MAST3: variants seen among roughly 807,000 people sequenced by gnomAD.
MAST3 encodes microtubule-associated serine/threonine-protein kinase 3.
Under a neutral mutation model 127.0 loss-of-function variants are expected in MAST3, and 43 were observed. That is an observed-to-expected ratio of 0.34 (90% CI 0.27 to 0.44). MAST3 has a LOEUF of 0.44. Among genes scored for constraint, MAST3 ranks in the 20% least tolerant of loss-of-function variants. The pLI is 1.00. For synonymous variants in MAST3, 785 were observed against 809.2 expected, an observed-to-expected ratio of 0.97 and a Z score of 0.51; for missense variants, 1,390 against 1,919.1, an observed-to-expected ratio of 0.72 and a Z score of 5.15.
chr19:18,110,496 G>A lies in MAST3; in HGVS notation c.72-156G>A. 2 of 913,280 alleles carry A rather than the reference G, an allele frequency of 2.2e-6. No homozygotes were observed. The highest frequency in any genetic ancestry group is 2.6e-6 in the Non-Finnish European group (2 of 763,736). 56.6% of individuals were successfully genotyped at this position (913,280 alleles called of 1,614,324 possible). ...CTCCGGGGAGCCCTCCCGGGCCATC[G>A]GTCTGGCCCCGCCCTCACGTCCTGA... On this transcript the variant is annotated intron_variant, in intron 2 of 27. Coordinates refer to ENST00000687212, the MANE Select transcript of MAST3 (RefSeq NM_001393504.1). The surrounding 1 kb of genome is among the most constrained non-coding windows in gnomAD (Gnocchi z 4.3).
At chr19:18,115,337 G>A (rs1279654473) in intron 3 of MAST3, among the ~76,000 whole-genome samples, 1 of 152,106 alleles carries the variant, frequency 6.6e-6, no homozygotes, top group African/African-American at 2.4e-5. Context: ...TGTCAGGGCA[G>A]TGGGTGTATG....
rs2042825503 is a variant in MAST3 at position 18,144,438 on chromosome 19, C to A, written c.2585-28C>A. 2 of 1,532,836 alleles carry A rather than the reference C, an allele frequency of 1.3e-6. No individual in the cohort carries two copies. Among genetic ancestry groups the A allele is most frequent in the South Asian group, 2.4e-5 (2 of 84,112 alleles). The allele number at this position is 1,532,836 out of a possible 1,614,324, so 95.0% of individuals were successfully genotyped here. On this transcript the variant is annotated intron_variant, in intron 22 of 27. Transcript: ENST00000687212. This position sits in a 1 kb window ranked among gnomAD's most constrained non-coding sequence, Gnocchi z 4.0. ...AGGACCACATGGTGAGTTTGAGGGG[C>A]ACCCAGCTGACCCTGCTGACCCTCT...
chr19:18,145,043 G>C lies in MAST3; in HGVS notation c.2853G>C (p.Pro951=). 1 of 1,604,148 alleles carries C rather than the reference G, an allele frequency of 6.2e-7. No homozygotes were observed. ...SGGPLMSPLS[P]RSLSSNPSSR... is the part of the protein sequence containing the mutation. ...GCCCCCTCATGAGCCCCCTTTCCCC[G>C]CGCTCTCTGTCCTCGAACCCGTCGT... The change falls in exon 24 of 28, where the codon CCG becomes CCC. Residue 951 remains proline, a synonymous_variant. Transcript: ENST00000687212. The surrounding 1 kb of genome is among the most constrained non-coding windows in gnomAD (Gnocchi z 5.9).
chr19:18,144,577 GAGACCCA>G lies in MAST3; in HGVS notation c.2697_2703del (p.Asp900ProfsTer45). ...CGGGGCCGCCGCCTTGGGGGCCCAA[GAGACCCA>G]GCCCCTGAGAAGTCCAGAGCCTCCT... On this transcript the variant is annotated frameshift_variant, in exon 23 of 28. Coordinates refer to ENST00000687212, the MANE Select transcript of MAST3 (RefSeq NM_001393504.1). LOFTEE classifies it high-confidence loss of function. This position sits in a 1 kb window ranked among gnomAD's most constrained non-coding sequence, Gnocchi z 4.0. The G allele has an allele frequency of 6.2e-7, 1 of 1,610,324 alleles. No homozygotes were observed.
chr19:18,135,522 G>T (rs1232464667), intron 17 of MAST3, among the ~76,000 whole-genome samples: 1 of 152,160 alleles, frequency 6.6e-6, no homozygotes, highest in Non-Finnish European at 1.5e-5. Flanking sequence ...CTGAGAATGA[G>T]AGAAAGCCAT....
chr19:18,106,444 G>A (rs1171413031), intron 1 of MAST3, among the ~76,000 whole-genome samples: 2 of 152,010 alleles, frequency 1.3e-5, no homozygotes, highest in African/African-American at 4.8e-5. Context: ...TCACCATGTT[G>A]GCCAGGATGG....
At chr19:18,128,376 T>TG in intron 11 of MAST3, 24 bp from the exon 12 acceptor site, 1 of 1,535,728 alleles carries the variant, frequency 6.5e-7, no homozygotes, top group Non-Finnish European at 8.8e-7. Flanking sequence ...AGGCTCCAGC[T>TG]GAGCCTCCTC....
intron 1 of MAST3, among the ~76,000 whole-genome samples, chr19:18,103,136 G>A (rs2037787099): frequency 6.6e-6 from 1 of 152,190 alleles, no homozygotes; most frequent in African/African-American, 2.4e-5. Flanking sequence ...ATGGTGCGGG[G>A]ACCGAAGGGT....
Position 18,121,929 on chromosome 19 carries a change from G to A in MAST3, c.320+7G>A. The stretch of plus-strand genomic sequence containing the variant: ...ATTTCCCCTTTGCCCGGAGGTGAGT[G>A]ATTGCCGGCTTTGGGAGACAGTGCG... On this transcript the variant is annotated splice_region_variant and intron_variant, in intron 5 of 27. Transcript: ENST00000687212. 1 of 1,614,006 alleles carries A rather than the reference G, an allele frequency of 6.2e-7. No individual in the cohort carries two copies.
rs537528936 is a variant in MAST3 at position 18,137,380 on chromosome 19, G to C, written c.2095+19G>C. The C allele has an allele frequency of 1.9e-6, 3 of 1,609,390 alleles. No individual in the cohort carries two copies. Among genetic ancestry groups the C allele is most frequent in the East Asian group, 4.5e-5 (2 of 44,828 alleles). On this transcript the variant is annotated intron_variant, in intron 19 of 27. Coordinates refer to ENST00000687212, the MANE Select transcript of MAST3 (RefSeq NM_001393504.1). ...TTTGACAGTAAGGAGGGATCCCCCT[G>C]GAGGGGGGGCGGGGGGTGCTCTGCC...
intron 15 of MAST3, among the ~76,000 whole-genome samples, chr19:18,133,369 C>T (rs2041533580): frequency 6.6e-6 from 1 of 151,972 alleles, no homozygotes; most frequent in African/African-American, 2.4e-5. Flanking sequence ...GCCCAGAACA[C>T]TTTATCTTTA....
At chr19:18,104,446 C>T (rs1349641388) in intron 1 of MAST3, among the ~76,000 whole-genome samples, 2 of 152,022 alleles carry the variant, frequency 1.3e-5, no homozygotes, top group Non-Finnish European at 2.9e-5. Flanking sequence ...TAACGCCACA[C>T]CCCCGCGACC....
chr19:18,100,876 C>T (rs970303815), intron 1 of MAST3, among the ~76,000 whole-genome samples: 21 of 152,184 alleles, frequency 1.4e-4, no homozygotes, highest in African/African-American at 4.8e-4. Flanking sequence ...CATTCACAAA[C>T]GGGTGCTGAC....
chr19:18,144,981 C>G lies in MAST3; in HGVS notation c.2813-22C>G. On this transcript the variant is annotated intron_variant, in intron 23 of 27. Transcript: ENST00000687212. This position sits in a 1 kb window ranked among gnomAD's most constrained non-coding sequence, Gnocchi z 4.0. ...GGGAGACCTGTGAGGGAGTGAGTGA[C>G]CCCCTCCCTAACCCCCTGCAGATGA... 1 of 1,236,992 alleles carries G rather than the reference C, an allele frequency of 8.1e-7. No individual in the cohort carries two copies. The highest frequency in any genetic ancestry group is 1.2e-6 in the Non-Finnish European group (1 of 851,798). 76.6% of individuals were successfully genotyped at this position (1,236,992 alleles called of 1,614,324 possible).
In MAST3 at chr19:18,113,482, C is replaced by T. The variant is rs566976163; in HGVS notation, c.161+2741C>T. Among the ~76,000 whole-genome samples the T allele has an allele frequency of 5.3e-5, 8 of 151,930 alleles. No homozygotes were observed. The East Asian group carries it at 7.7e-4, about 15-fold the overall frequency. Reference sequence around the variant, plus strand: ...GGTGGTTTTTTTTGTTTGTTTGAGACGGAGTTTTCCTCTTGTTGCACAGGC... The same window carrying T: ...GGTGGTTTTTTTTGTTTGTTTGAGATGGAGTTTTCCTCTTGTTGCACAGGC... On this transcript the variant is annotated intron_variant, in intron 3 of 27. Transcript: ENST00000687212.
rs1274079776 is a variant in MAST3 at position 18,144,430 on chromosome 19, T to C, written c.2585-36T>C. The C allele has an allele frequency of 1.2e-5, 19 of 1,522,356 alleles. No individual in the cohort carries two copies. The highest frequency in any genetic ancestry group is 1.7e-5 in the Non-Finnish European group (19 of 1,128,166). The allele number at this position is 1,522,356 out of a possible 1,614,324, so 94.3% of individuals were successfully genotyped here. On this transcript the variant is annotated intron_variant, in intron 22 of 27. Coordinates refer to ENST00000687212, the MANE Select transcript of MAST3 (RefSeq NM_001393504.1). The surrounding 1 kb of genome is among the most constrained non-coding windows in gnomAD (Gnocchi z 4.0). Reference sequence around the variant, plus strand: ...GTCCCTTTAGGACCACATGGTGAGTTTGAGGGGCACCCAGCTGACCCTGCT... The same window carrying C: ...GTCCCTTTAGGACCACATGGTGAGTCTGAGGGGCACCCAGCTGACCCTGCT...
chr19:18,147,299 C>T (rs1360986436), intron 26 of MAST3, 144 bp from the exon 27 acceptor site: 44 of 767,758 alleles, frequency 5.7e-5, no homozygotes, highest in Non-Finnish European at 1.9e-5. Context: ...GACAGGGTTT[C>T]GCCATGTTGG....
chr19:18,133,799 C>G (rs1349374799), intron 15 of MAST3, among the ~76,000 whole-genome samples: 2 of 152,022 alleles, frequency 1.3e-5, no homozygotes, highest in South Asian at 4.1e-4. Context: ...GGTGATCTGC[C>G]GGCTTCGGCC....
intron 1 of MAST3, 82 bp from the exon 2 acceptor site, chr19:18,107,505 G>T: frequency 7.4e-7 from 1 of 1,344,812 alleles, no homozygotes; most frequent in South Asian, 1.2e-5. Flanking sequence ...CATGGGATTG[G>T]GGATTGTGGG....
Sources: gnomAD v4.1 joint callset for allele counts (sites outside exome capture counted in the v4.1 genomes callset) on GRCh38, gnomAD v4.1.1 for gene constraint, Gnocchi (gnomAD v3.1) non-coding constraint, MANE v1.5 for transcripts, NCBI Gene and HGNC (gene_info 2026-07-23, HGNC 2026-07-21) for gene names.